The following PIK3AP1 variants were observed in gnomAD, a reference collection of about 807,000 sequenced individuals.
PIK3AP1 encodes phosphoinositide-3-kinase adaptor protein 1.
PIK3AP1 carries 21 observed loss-of-function variants against 88.1 expected under a neutral mutation model. The ratio of observed to expected loss-of-function variants is 0.24; its 90% CI spans 0.17 to 0.34. The LOEUF (loss-of-function observed/expected upper bound fraction) is 0.34, where lower values mean the gene tolerates loss of function less well. PIK3AP1 is among the 10% of genes least tolerant of loss of function. PIK3AP1 has a pLI of 1.00. For missense variants in PIK3AP1, 828 were observed against 1,035.7 expected, an observed-to-expected ratio of 0.80 and a Z score of 2.75; for synonymous variants, 398 against 400.0, an observed-to-expected ratio of 1.00 and a Z score of 0.06.
chr10:96,695,611 G>A (rs1430173359), intron 2 of PIK3AP1, among the ~76,000 whole-genome samples: 1 of 152,136 alleles, frequency 6.6e-6, no homozygotes, highest in Admixed American at 6.5e-5. Context: ...ACTTCTTAAT[G>A]GTGATGGAGA....
At chr10:96,632,580 G>T (rs1376067927) in intron 8 of PIK3AP1, among the ~76,000 whole-genome samples, 3 of 152,116 alleles carry the variant, frequency 2.0e-5, no homozygotes, top group African/African-American at 7.2e-5. Context: ...GATCGAGATG[G>T]TGCTAAATGA....
At chr10:96,613,066 T>G (rs1589487596) in intron 13 of PIK3AP1, among the ~76,000 whole-genome samples, 1 of 142,068 alleles carries the variant, frequency 7.0e-6, no homozygotes, top group South Asian at 2.3e-4. Context: ...TGGTGCGATC[T>G]TGGCTCACTG....
In PIK3AP1 at chr10:96,720,207, C is replaced by G. The variant is rs556786971; in HGVS notation, c.13+175G>C. Among the ~76,000 whole-genome samples the G allele has an allele frequency of 6.6e-6, 1 of 152,254 alleles. No homozygotes were observed. The highest frequency in any genetic ancestry group is 1.5e-5 in the Non-Finnish European group (1 of 68,002). ...TCGCGCCACAGGCTGGGACGGGAAA[C>G]GTGGGAAAGTTGGAGTGGGAAGTTT... On this transcript the variant is annotated intron_variant, in intron 1 of 16. Transcript: ENST00000339364. The surrounding 1 kb of genome is among the most constrained non-coding windows in gnomAD (Gnocchi z 4.6).
Position 96,620,340 on chromosome 10 carries a change from G to A in PIK3AP1, c.1941+12C>T, listed in dbSNP as rs774283497. 14 of 1,613,038 alleles carry A rather than the reference G, an allele frequency of 8.7e-6. No homozygotes were observed. Among genetic ancestry groups the A allele is most frequent in the Admixed American group, 3.3e-5 (2 of 59,998 alleles). On this transcript the variant is annotated intron_variant, in intron 12 of 16. Coordinates refer to ENST00000339364, the MANE Select transcript of PIK3AP1 (RefSeq NM_152309.3). ...AATAGACATGAAACAAATTCCATAC[G>A]AAGCTAGTTACCTGCTGGAAACGAA... is the stretch of plus-strand genomic sequence containing the variant.
chr10:96,697,715 C>A (rs1844240332), intron 2 of PIK3AP1, among the ~76,000 whole-genome samples: 1 of 152,116 alleles, frequency 6.6e-6, no homozygotes, highest in African/African-American at 2.4e-5. Context: ...GGCAACAGAG[C>A]AAGACCCTGT....
intron 1 of PIK3AP1, among the ~76,000 whole-genome samples, chr10:96,717,852 C>T (rs1043286119): frequency 6.6e-6 from 1 of 152,158 alleles, no homozygotes; most frequent in African/African-American, 2.4e-5. Flanking sequence ...TATCTTCCTA[C>T]CCAAGGTCCT....
At chr10:96,628,711 C>T (rs529377436) in intron 8 of PIK3AP1, among the ~76,000 whole-genome samples, 1 of 151,724 alleles carries the variant, frequency 6.6e-6, no homozygotes, top group South Asian at 2.1e-4. Context: ...CCTTGCACCA[C>T]AGGTCTCAAA....
rs1243732651 is a variant in PIK3AP1, at chr10:96,720,434, C to T, written c.-40G>A. On this transcript the variant is annotated 5_prime_UTR_variant, in exon 1 of 17. Transcript: ENST00000339364. This position sits in a 1 kb window ranked among gnomAD's most constrained non-coding sequence, Gnocchi z 4.6. The stretch of plus-strand genomic sequence containing the variant: ...CTCACATCCCTGGCTCGCTGCGTGC[C>T]CGGGGCCGGGACCGGGGCCGGCGGC... 8.1e-7 allele frequency: 1 copy of T among 1,229,028 alleles called. No homozygotes were observed. Among genetic ancestry groups the T allele is most frequent in the Non-Finnish European group, 1.0e-6 (1 of 983,354 alleles). The allele number at this position is 1,229,028 out of a possible 1,614,324, so 76.1% of individuals were successfully genotyped here.
chr10:96,717,392 C>T (rs1021593410), intron 1 of PIK3AP1, among the ~76,000 whole-genome samples: 1 of 152,086 alleles, frequency 6.6e-6, no homozygotes, highest in Non-Finnish European at 1.5e-5. Context: ...TCCTGGAGCC[C>T]CATGTTTGAA....
At chr10:96,682,674 T>C (rs1032781845) in intron 2 of PIK3AP1, among the ~76,000 whole-genome samples, 26 of 152,194 alleles carry the variant, frequency 1.7e-4, no homozygotes, top group Non-Finnish European at 2.8e-4. Context: ...AGATGCTTTT[T>C]AGCCACTTCA....
At chr10:96,628,928 A>ATATG (rs1564961395) in intron 8 of PIK3AP1, among the ~76,000 whole-genome samples, 1 of 133,430 alleles carries the variant, frequency 7.5e-6, no homozygotes, top group Non-Finnish European at 1.6e-5. Flanking sequence ...ATATATATAT[A>ATATG]TGGCAAGGTC....
At position 96,648,582 on chromosome 10, in the gene PIK3AP1, C is replaced by T. The variant is rs1040459113; in HGVS notation, c.1185+77G>A. ...GGACATGCTAGAGATAAAATCTGTT[C>T]GTATTTTGGGTGAAAGGGCAGCCAT... On this transcript the variant is annotated intron_variant, in intron 7 of 16. Transcript: ENST00000339364. 15 of 1,429,864 alleles carry T rather than the reference C, an allele frequency of 1.0e-5. No individual in the cohort carries two copies. In the African/African-American group the frequency reaches 1.8e-4, roughly 17 times the overall value. The allele number at this position is 1,429,864 out of a possible 1,614,324, so 88.6% of individuals were successfully genotyped here.
chr10:96,652,062 TC>T lies in PIK3AP1; in HGVS notation c.713-412del, dbSNP rs1284217885. 3.3e-5 allele frequency among the ~76,000 whole-genome samples: 5 copies of T among 152,038 alleles called. No individual in the cohort carries two copies. The East Asian group carries it at 9.7e-4, about 29-fold the overall frequency. ...GCCACATTGGGGCAGCTGAACTGGC[TC>T]ACTGCAAGTCATGAGCTGCTGTCAT... On this transcript the variant is annotated intron_variant, in intron 4 of 16. Transcript: ENST00000339364.
At chr10:96,645,709 T>C (rs1478526762) in intron 7 of PIK3AP1, 47 bp from the exon 8 acceptor site, 2 of 1,526,948 alleles carry the variant, frequency 1.3e-6, no homozygotes, top group Non-Finnish European at 8.8e-7. Flanking sequence ...AGCCTGACTT[T>C]CCGGGTGGAA....
chr10:96,605,935 T>C lies in PIK3AP1; in HGVS notation c.2171-1886A>G, dbSNP rs530324061. On this transcript the variant is annotated intron_variant, in intron 14 of 16. Coordinates refer to ENST00000339364, the MANE Select transcript of PIK3AP1 (RefSeq NM_152309.3). ...CCCGTATCTACTAAAAATACAAAAA[T>C]TAGCTGGGCGTGGTCGCGGGTGCCT... 4.6e-5 allele frequency among the ~76,000 whole-genome samples: 7 copies of C among 152,138 alleles called. No individual in the cohort carries two copies. The South Asian group carries it at 1.5e-3, about 32-fold the overall frequency.
At chr10:96,651,197 C>A in intron 6 of PIK3AP1, 51 bp downstream of exon 6, 2 of 1,609,318 alleles carry the variant, frequency 1.2e-6, no homozygotes, top group Non-Finnish European at 1.7e-6. Context: ...CTGAAACCAG[C>A]AGGCTAGAAT....
chr10:96,598,466 A>G (rs1415239112), intron 16 of PIK3AP1, among the ~76,000 whole-genome samples: 1 of 152,042 alleles, frequency 6.6e-6, no homozygotes, highest in Non-Finnish European at 1.5e-5. Flanking sequence ...AACAGTACCA[A>G]TCTATCCTTC....
At chr10:96,711,769 T>TTTTTTA (rs1844440423) in intron 1 of PIK3AP1, among the ~76,000 whole-genome samples, 1 of 126,150 alleles carries the variant, frequency 7.9e-6, no homozygotes, top group Non-Finnish European at 1.7e-5. Context: ...TTTTTTTTTT[T>TTTTTTA]AGACGGAGTC....
At chr10:96,603,758 T>C (rs1848951023) in intron 15 of PIK3AP1, 1 of 487,848 alleles carries the variant, frequency 2.0e-6, no homozygotes, top group Non-Finnish European at 3.7e-6. Context: ...CTAATACACC[T>C]GTCCCCATTA....
Sources: allele counts gnomAD v4.1 joint callset (sites outside exome capture counted in the v4.1 genomes callset), GRCh38; gene constraint gnomAD v4.1.1; non-coding constraint Gnocchi (gnomAD v3.1); transcripts MANE v1.5; gene names NCBI Gene and HGNC (gene_info 2026-07-23, HGNC 2026-07-21).